GPC6: variants seen among roughly 807,000 people sequenced by gnomAD.
GPC6 encodes the protein glypican-6.
Under a neutral mutation model 55.2 loss-of-function variants are expected in GPC6, and 14 were observed. The ratio of observed to expected loss-of-function variants is 0.25; its 90% CI spans 0.17 to 0.40. The LOEUF (loss-of-function observed/expected upper bound fraction) is 0.40, where lower values mean the gene tolerates loss of function less well. GPC6 is among the 10% of genes least tolerant of loss of function. The pLI is 1.00. For missense variants in GPC6, 641 were observed against 708.5 expected, an observed-to-expected ratio of 0.90 and a Z score of 1.08; for synonymous variants, 278 against 259.6, an observed-to-expected ratio of 1.07 and a Z score of -0.68.
intron 4 of GPC6, among the ~76,000 whole-genome samples, chr13:94,158,792 C>T (rs962294534): frequency 3.9e-5 from 6 of 152,088 alleles, no homozygotes; most frequent in Non-Finnish European, 5.9e-5. Flanking sequence ...CACACCTCAG[C>T]GCATCCATTT....
intron 2 of GPC6, among the ~76,000 whole-genome samples, chr13:93,717,601 T>G (rs537302739): frequency 1.4e-3 from 209 of 151,816 alleles, no homozygotes; most frequent in African/African-American, 4.9e-3. Context: ...GGAAAACAAC[T>G]ATTATTTTTT....
At chr13:93,476,300 G>T (rs1181283123) in intron 1 of GPC6, among the ~76,000 whole-genome samples, 4 of 151,270 alleles carry the variant, frequency 2.6e-5, no homozygotes, top group South Asian at 2.1e-4. Flanking sequence ...GTGTGCGTGC[G>T]TGTGTGTGTG....
chr13:93,511,452 A>AC (rs1555306658), intron 1 of GPC6, among the ~76,000 whole-genome samples: 1 of 151,452 alleles, frequency 6.6e-6, no homozygotes, highest in African/African-American at 2.4e-5. Context: ...CCCAATATAA[A>AC]TTTTTTTGGC....
intron 3 of GPC6, among the ~76,000 whole-genome samples, chr13:93,917,915 G>A (rs982344931): frequency 6.6e-5 from 10 of 152,068 alleles, no homozygotes; most frequent in African/African-American, 1.7e-4. Flanking sequence ...TGGCCAATAC[G>A]GTGAAACCCT....
At chr13:93,234,110 G>C (rs1470577937) in intron 1 of GPC6, among the ~76,000 whole-genome samples, 1 of 152,144 alleles carries the variant, frequency 6.6e-6, no homozygotes, top group Non-Finnish European at 1.5e-5. Context: ...ACTCCTAGCT[G>C]CTGCAGCCCT....
At chr13:94,176,804 T>A (rs1438428494) in intron 4 of GPC6, among the ~76,000 whole-genome samples, 2 of 152,158 alleles carry the variant, frequency 1.3e-5, no homozygotes, top group African/African-American at 4.8e-5. Context: ...GGAGAACAGA[T>A]GTCAGCAGAA....
intron 7 of GPC6, among the ~76,000 whole-genome samples, chr13:94,387,018 AT>A (rs1373376015): frequency 2.0e-5 from 3 of 152,172 alleles, no homozygotes; most frequent in Non-Finnish European, 4.4e-5. Flanking sequence ...TGATTATCTT[AT>A]TTTTTAAAAA....
At chr13:94,046,611 G>A (rs534886292) in intron 4 of GPC6, among the ~76,000 whole-genome samples, 2 of 152,200 alleles carry the variant, frequency 1.3e-5, no homozygotes, top group South Asian at 4.1e-4. Context: ...GACTGTCAGA[G>A]TGGCTCACTT....
chr13:93,573,264 A>G (rs528343821), intron 2 of GPC6, among the ~76,000 whole-genome samples: 4 of 152,204 alleles, frequency 2.6e-5, no homozygotes, highest in African/African-American at 9.6e-5. Context: ...ATTATGGAAT[A>G]AATATTTAAA....
At chr13:94,243,503 G>A (rs760643406) in intron 4 of GPC6, among the ~76,000 whole-genome samples, 1 of 151,976 alleles carries the variant, frequency 6.6e-6, no homozygotes, top group African/African-American at 2.4e-5. Flanking sequence ...TGTCTGAAAG[G>A]GTCTTCATTT....
intron 2 of GPC6, among the ~76,000 whole-genome samples, chr13:93,761,352 A>G (rs1160317130): frequency 1.3e-5 from 2 of 152,288 alleles, no homozygotes; most frequent in East Asian, 3.9e-4. Flanking sequence ...TTTAATAGAG[A>G]CAGATTAGAA....
intron 1 of GPC6, among the ~76,000 whole-genome samples, chr13:93,253,140 C>A (rs1047145117): frequency 3.9e-5 from 6 of 152,020 alleles, no homozygotes; most frequent in African/African-American, 1.4e-4. Flanking sequence ...TTTTCAAATA[C>A]CTGAAAAGAT....
chr13:94,312,246 G>T (rs1330464308), intron 6 of GPC6, among the ~76,000 whole-genome samples: 1 of 152,112 alleles, frequency 6.6e-6, no homozygotes, highest in Non-Finnish European at 1.5e-5. Context: ...TCATCGGTAG[G>T]TCACTGGTGA....
intron 1 of GPC6, among the ~76,000 whole-genome samples, chr13:93,260,018 T>C (rs1297535678): frequency 6.6e-6 from 1 of 152,110 alleles, no homozygotes; most frequent in African/African-American, 2.4e-5. Flanking sequence ...CAAACATCAA[T>C]GAAATAAAAG....
chr13:93,750,204 G>C (rs1207048573), intron 2 of GPC6, among the ~76,000 whole-genome samples: 1 of 152,172 alleles, frequency 6.6e-6, no homozygotes, highest in Non-Finnish European at 1.5e-5. Flanking sequence ...AAGCGATCAG[G>C]GAGAAAGTAG....
intron 4 of GPC6, among the ~76,000 whole-genome samples, chr13:94,050,905 A>G (rs893389885): frequency 1.3e-5 from 2 of 152,132 alleles, no homozygotes; most frequent in African/African-American, 4.8e-5. Flanking sequence ...GGCATTTGTA[A>G]TCTAGCTAGT....
At chr13:94,205,966 C>T (rs1410249629) in intron 4 of GPC6, among the ~76,000 whole-genome samples, 1 of 152,104 alleles carries the variant, frequency 6.6e-6, no homozygotes. Context: ...TAGGGTGCTG[C>T]TGGCATCTAG....
chr13:93,707,779 T>C (rs1042684305), intron 2 of GPC6, among the ~76,000 whole-genome samples: 2 of 151,886 alleles, frequency 1.3e-5, no homozygotes, highest in Non-Finnish European at 2.9e-5. Context: ...TATATTTTAC[T>C]AAATGATATT....
At chr13:93,995,307 C>T (rs1025991240) in intron 3 of GPC6, among the ~76,000 whole-genome samples, 4 of 152,014 alleles carry the variant, frequency 2.6e-5, no homozygotes, top group African/African-American at 9.7e-5. Context: ...CCTGGCACAG[C>T]CTCCCAAGTA....
Sources: allele counts gnomAD v4.1 joint callset (sites outside exome capture counted in the v4.1 genomes callset), GRCh38; gene constraint gnomAD v4.1.1; transcripts MANE v1.5; gene names NCBI Gene and HGNC (gene_info 2026-07-23, HGNC 2026-07-21).